ARHGAP28: variants seen among roughly 807,000 people sequenced by gnomAD.
ARHGAP28 encodes the protein Rho GTPase activating protein 28.
Under a neutral mutation model 90.7 loss-of-function variants are expected in ARHGAP28, and 56 were observed. The observed-to-expected ratio is 0.62, with a 90% CI of 0.50 to 0.77. The LOEUF is 0.77. Among genes scored for constraint, ARHGAP28 ranks in the 30% least tolerant of loss-of-function variants. The pLI is 0.00. For missense variants in ARHGAP28, 869 were observed against 900.9 expected, an observed-to-expected ratio of 0.96 and a Z score of 0.45; for synonymous variants, 308 against 323.3, an observed-to-expected ratio of 0.95 and a Z score of 0.51.
intron 1 of ARHGAP28, among the ~76,000 whole-genome samples, chr18:6,815,561 A>G (rs1159030716): frequency 6.6e-6 from 1 of 152,196 alleles, no homozygotes; most frequent in Non-Finnish European, 1.5e-5. Flanking sequence ...CCACTGATTA[A>G]TATTAGAACA....
In ARHGAP28 at chr18:6,729,902, G is replaced by C. The variant is rs565951929; in HGVS notation, c.81G>C (p.Ser27=). 2.7e-4 allele frequency: 377 copies of C among 1,420,618 alleles called. 2 individuals carry two copies. Among genetic ancestry groups the C allele is most frequent in the Middle Eastern group, 2.2e-3 (9 of 4,036 alleles). 88.0% of individuals were successfully genotyped at this position (1,420,618 alleles called of 1,614,324 possible). The change falls in exon 1 of 18, where the codon TCG becomes TCC. Residue 27 remains serine (S), a synonymous_variant. Transcript: ENST00000383472. ...YARAQPPNAE[S]RCAPRAAASH... is the part of the protein sequence containing the mutation. ...GCGCCCAGCCCCCCAACGCCGAGTCGCGCTGCGCGCCCCGCGCCGCAGCCA... is the reference window on the plus strand; with the variant it reads ...GCGCCCAGCCCCCCAACGCCGAGTCCCGCTGCGCGCCCCGCGCCGCAGCCA...
intron 1 of ARHGAP28, among the ~76,000 whole-genome samples, chr18:6,800,212 G>A (rs898306177): frequency 1.3e-5 from 2 of 152,196 alleles, no homozygotes; most frequent in South Asian, 4.1e-4. Flanking sequence ...GGAAACAACC[G>A]ATGCTGGAGA....
chr18:6,847,922 C>G (rs1462683477), intron 3 of ARHGAP28, among the ~76,000 whole-genome samples: 1 of 152,084 alleles, frequency 6.6e-6, no homozygotes, highest in Non-Finnish European at 1.5e-5. Flanking sequence ...TTCCGAGAGT[C>G]CTCTCTCTGG....
rs2057415980 is a variant in ARHGAP28 at position 6,915,043 on chromosome 18, A to T, written c.*2889A>T. On this transcript the variant is annotated 3_prime_UTR_variant, in exon 18 of 18. Transcript: ENST00000383472. ...GTGCCTGAATCTTATTATTTAAATC[A>T]CTTCAGTTAGCTTTCAGTGTATGTT... 1 of 152,596 alleles carries T rather than the reference A, an allele frequency of 6.6e-6. No homozygotes were observed. The highest frequency in any genetic ancestry group is 6.5e-5 in the Admixed American group (1 of 15,284). 9.5% of individuals were successfully genotyped at this position (152,596 alleles called of 1,614,324 possible).
chr18:6,871,134 C>T lies in ARHGAP28; in HGVS notation c.954+402C>T, dbSNP rs551130235. Among the ~76,000 whole-genome samples, 13 of 152,226 alleles carry T rather than the reference C, an allele frequency of 8.5e-5. 1 individual carries two copies. The South Asian group carries it at 1.9e-3, about 22-fold the overall frequency. On this transcript the variant is annotated intron_variant, in intron 7 of 17. Coordinates refer to ENST00000383472, the MANE Select transcript of ARHGAP28 (RefSeq NM_001366230.1). Reference sequence around the variant, plus strand: ...TTTTTTAAATATCTGTGTGTGTGCACGGGGATTTCAGCGGCCAGGCATCAC... The same window carrying T: ...TTTTTTAAATATCTGTGTGTGTGCATGGGGATTTCAGCGGCCAGGCATCAC...
intron 1 of ARHGAP28, among the ~76,000 whole-genome samples, chr18:6,730,867 C>T (rs1358384358): frequency 1.2e-4 from 19 of 152,138 alleles, no homozygotes; most frequent in Admixed American, 1.2e-3. Context: ...TATTTTTAAT[C>T]ATTTCTTTTA....
chr18:6,797,552 T>C (rs549008004), intron 1 of ARHGAP28, among the ~76,000 whole-genome samples: 2 of 152,330 alleles, frequency 1.3e-5, no homozygotes, highest in South Asian at 4.1e-4. Flanking sequence ...TAGCAGAACT[T>C]TGTTATCTTT....
At position 6,793,973 on chromosome 18, in the gene ARHGAP28, T is replaced by G. The variant is rs575594076; in HGVS notation, c.123-30789T>G. On this transcript the variant is annotated intron_variant, in intron 1 of 17. Coordinates refer to ENST00000383472, the MANE Select transcript of ARHGAP28 (RefSeq NM_001366230.1). The stretch of plus-strand genomic sequence containing the variant: ...GTTAATAAAATGAGTGCTTTATTCA[T>G]TTTCAGTCAGAAAAAAATAAAAATA... 8.5e-5 allele frequency among the ~76,000 whole-genome samples: 13 copies of G among 152,310 alleles called. No homozygotes were observed. The South Asian group carries it at 1.4e-3, about 17-fold the overall frequency.
chr18:6,902,654 T>A lies in ARHGAP28; in HGVS notation c.2030+6028T>A, dbSNP rs1299025862. On this transcript the variant is annotated intron_variant, in intron 16 of 17. Coordinates refer to ENST00000383472, the MANE Select transcript of ARHGAP28 (RefSeq NM_001366230.1). ...TTGAATGGCTATCTTAAAAAATAAA[T>A]AAATAAAAATAACAAGTGCTGGCGA... Among the ~76,000 whole-genome samples, 3 of 152,060 alleles carry A rather than the reference T, an allele frequency of 2.0e-5. No individual in the cohort carries two copies. In the East Asian group the frequency reaches 5.8e-4, roughly 29 times the overall value.
Position 6,782,592 on chromosome 18 carries a change from A to ATTTTTTTTTTTTTTT in ARHGAP28, c.123-42147_123-42133dup, listed in dbSNP as rs10602816. On this transcript the variant is annotated intron_variant, in intron 1 of 17. Coordinates refer to ENST00000383472, the MANE Select transcript of ARHGAP28 (RefSeq NM_001366230.1). ...GCCATCACGCCCAGCTAATTTTTGTATTTTTTTTTTTTTTTTTTTTTTTTT... is the reference window on the plus strand; with the variant it reads ...GCCATCACGCCCAGCTAATTTTTGTATTTTTTTTTTTTTTTTTTTTTTTTTTTTTTTTTTTTTTTT... Among the ~76,000 whole-genome samples the ATTTTTTTTTTTTTTT allele has an allele frequency of 1.1e-3, 30 of 26,692 alleles. 6 individuals are homozygous for ATTTTTTTTTTTTTTT. Among genetic ancestry groups the ATTTTTTTTTTTTTTT allele is most frequent in the East Asian group, 3.9e-3 (3 of 764 alleles). The allele number at this position is 26,692 out of a possible 152,430, so 17.5% of individuals were successfully genotyped here.
At chr18:6,873,962 G>T (rs2057111095) in intron 9 of ARHGAP28, among the ~76,000 whole-genome samples, 187 bp downstream of exon 9, 1 of 152,174 alleles carries the variant, frequency 6.6e-6, no homozygotes, top group Non-Finnish European at 1.5e-5. Flanking sequence ...TGGGCCAGTT[G>T]GCCTTGCTGC....
chr18:6,865,767 A>G (rs1194037178), intron 5 of ARHGAP28, among the ~76,000 whole-genome samples: 5 of 152,148 alleles, frequency 3.3e-5, no homozygotes, highest in Non-Finnish European at 5.9e-5. Flanking sequence ...ATTTAACATA[A>G]TAACCCCTCA....
At chr18:6,898,416 C>G (rs12185460) in intron 16 of ARHGAP28, 1 of 1,271,044 alleles carries the variant, frequency 7.9e-7, no homozygotes. Flanking sequence ...CACATTAACC[C>G]GTTTTCCACT....
At chr18:6,799,199 T>A (rs1286502613) in intron 1 of ARHGAP28, among the ~76,000 whole-genome samples, 1 of 152,094 alleles carries the variant, frequency 6.6e-6, no homozygotes, top group Non-Finnish European at 1.5e-5. Flanking sequence ...TTTAGCGCAT[T>A]AAAAAATACA....
intron 16 of ARHGAP28, 142 bp downstream of exon 16, chr18:6,896,768 T>TA (rs894757576): frequency 2.0e-6 from 2 of 980,058 alleles, no homozygotes; most frequent in Non-Finnish European, 2.9e-6. Context: ...ATTACGAGAA[T>TA]AAAAAGAGAA....
chr18:6,857,769 A>C (rs999854878), intron 4 of ARHGAP28, among the ~76,000 whole-genome samples: 1 of 152,240 alleles, frequency 6.6e-6, no homozygotes, highest in African/African-American at 2.4e-5. Flanking sequence ...GATAGAAGGA[A>C]TTACAGCTCA....
chr18:6,905,612 A>AT (rs1427432290), intron 16 of ARHGAP28, among the ~76,000 whole-genome samples: 1 of 152,172 alleles, frequency 6.6e-6, no homozygotes, highest in Non-Finnish European at 1.5e-5. Flanking sequence ...ATAAAAGTCT[A>AT]TTTGCAGATG....
chr18:6,773,594 A>T (rs2056260443), intron 1 of ARHGAP28, among the ~76,000 whole-genome samples: 1 of 152,116 alleles, frequency 6.6e-6, no homozygotes, highest in Admixed American at 6.5e-5. Flanking sequence ...AGTTTTTTCA[A>T]CCAGACCCTT....
chr18:6,768,063 CTT>C (rs1290937582), intron 1 of ARHGAP28, among the ~76,000 whole-genome samples: 2 of 151,962 alleles, frequency 1.3e-5, no homozygotes, highest in East Asian at 3.8e-4. Flanking sequence ...TTATTGGTCT[CTT>C]GTTCTGCAGT....
Sources: allele counts gnomAD v4.1 joint callset (sites outside exome capture counted in the v4.1 genomes callset), GRCh38; gene constraint gnomAD v4.1.1; transcripts MANE v1.5; gene names NCBI Gene and HGNC (gene_info 2026-07-23, HGNC 2026-07-21).